Variants in ARPP21 observed in about 807,000 individuals in gnomAD.
ARPP21 encodes cAMP-regulated phosphoprotein 21.
A neutral mutation model predicts 113.2 loss-of-function variants in ARPP21; 69 were observed. The ratio of observed to expected loss-of-function variants is 0.61; its 90% CI spans 0.50 to 0.74. The LOEUF (loss-of-function observed/expected upper bound fraction) is 0.74, where lower values mean the gene tolerates loss of function less well. ARPP21 is among the 30% of genes least tolerant of loss of function. ARPP21 has a pLI of 0.00. For synonymous variants in ARPP21, 368 were observed against 375.5 expected, an observed-to-expected ratio of 0.98 and a Z score of 0.23; for missense variants, 1,070 against 1,037.4, an observed-to-expected ratio of 1.03 and a Z score of -0.43.
intron 19 of ARPP21, among the ~76,000 whole-genome samples, chr3:35,784,491 T>C (rs1464612269): frequency 6.6e-6 from 1 of 152,224 alleles, no homozygotes; most frequent in Non-Finnish European, 1.5e-5. Context: ...AGTTAATTCA[T>C]GCTATGTCCA....
intron 19 of ARPP21, among the ~76,000 whole-genome samples, chr3:35,750,709 CAAGGCA>C (rs2095371250): frequency 6.6e-6 from 1 of 152,146 alleles, no homozygotes; most frequent in East Asian, 1.9e-4. Flanking sequence ...GAATGAATTT[CAAGGCA>C]AAAGTTGCCT....
chr3:35,697,344 A>T (rs2084452656), intron 9 of ARPP21, among the ~76,000 whole-genome samples: 1 of 151,542 alleles, frequency 6.6e-6, no homozygotes, highest in South Asian at 2.1e-4. Context: ...GCTATACCTT[A>T]AGTGCCCAAG....
At chr3:35,684,091 CAGT>C in intron 5 of ARPP21, 1 of 1,558,600 alleles carries the variant, frequency 6.4e-7, no homozygotes, top group South Asian at 1.2e-5. Flanking sequence ...AAAGTAGGCA[CAGT>C]AGTGCTGAAT....
At position 35,723,912 on chromosome 3, in the gene ARPP21, A is replaced by G. The variant is rs2093330279; in HGVS notation, c.1225+2078A>G. ...AGGTAGGATGTCAAAACAAACTTAC[A>G]GTTTCCCAAGATGGATTTATGAAGC... On this transcript the variant is annotated intron_variant, in intron 14 of 20. Transcript: ENST00000684406. Among the ~76,000 whole-genome samples the G allele has an allele frequency of 5.3e-5, 8 of 152,350 alleles. No individual in the cohort carries two copies. The South Asian group carries it at 1.7e-3, about 32-fold the overall frequency.
chr3:35,678,640 G>GC (rs2078109561), intron 1 of ARPP21, among the ~76,000 whole-genome samples: 1 of 151,898 alleles, frequency 6.6e-6, no homozygotes, highest in Non-Finnish European at 1.5e-5. Flanking sequence ...CTGTACTACT[G>GC]ATTGCATTTT....
At chr3:35,663,500 A>AC (rs1323865624) in intron 1 of ARPP21, among the ~76,000 whole-genome samples, 3 of 152,140 alleles carry the variant, frequency 2.0e-5, no homozygotes, top group African/African-American at 7.2e-5. Flanking sequence ...TGTGTAACAA[A>AC]CCCCCATGTA....
chr3:35,679,514 A>G lies in ARPP21; in HGVS notation c.-212-273A>G, dbSNP rs565535220. The G allele has an allele frequency of 2.0e-5, 3 of 151,714 alleles. No homozygotes were observed. The South Asian group carries it at 6.2e-4, about 31-fold the overall frequency. 9.4% of individuals were successfully genotyped at this position (151,714 alleles called of 1,614,324 possible). On this transcript the variant is annotated intron_variant, in intron 1 of 20. Coordinates refer to ENST00000684406, the MANE Select transcript of ARPP21 (RefSeq NM_001385562.1). ...TTAATACAAAGTGCGAGATTTCACTAAAAAAGGTTAAAATTGAAGTGAGTA... is the reference window on the plus strand; with the variant it reads ...TTAATACAAAGTGCGAGATTTCACTGAAAAAGGTTAAAATTGAAGTGAGTA...
chr3:35,698,365 C>T (rs774534541), intron 9 of ARPP21, among the ~76,000 whole-genome samples: 8 of 151,434 alleles, frequency 5.3e-5, no homozygotes, highest in Admixed American at 6.6e-5. Flanking sequence ...ATTTATGAGC[C>T]TTTGAGTGTG....
intron 14 of ARPP21, among the ~76,000 whole-genome samples, chr3:35,726,585 T>C (rs2093556391): frequency 6.6e-6 from 1 of 151,918 alleles, no homozygotes; most frequent in Non-Finnish European, 1.5e-5. Context: ...TTGATGCTGC[T>C]TTTTTTTTCC....
intron 19 of ARPP21, among the ~76,000 whole-genome samples, chr3:35,747,679 G>C (rs1029459618): frequency 6.6e-6 from 1 of 152,072 alleles, no homozygotes; most frequent in African/African-American, 2.4e-5. Flanking sequence ...GCAACTTGGA[G>C]GAGTACAAAA....
intron 5 of ARPP21, chr3:35,684,131 G>C: frequency 6.8e-7 from 1 of 1,475,058 alleles, no homozygotes; most frequent in Non-Finnish European, 9.0e-7. Flanking sequence ...CTTTTGATAA[G>C]GCTGAACCAA....
In ARPP21 at chr3:35,793,872, C is replaced by A. The variant is rs985773431; in HGVS notation, c.2458C>A (p.Pro820Thr). 6.2e-7 allele frequency: 1 copy of A among 1,614,148 alleles called. No individual in the cohort carries two copies. Among genetic ancestry groups the A allele is most frequent in the Non-Finnish European group, 8.5e-7 (1 of 1,179,992 alleles). Residue 820 changes from proline to threonine, a missense_variant, in exon 21 of 21, where the codon CCC becomes ACC. Transcript: ENST00000684406. The stretch of plus-strand genomic sequence containing the variant: ...CCTTAGGCTGATTGGCCCACACTGC[C>A]CCTCCAGCACTGTCCCAGTGATGTC... The part of the protein sequence containing the change: ...NNLRLIGPHC[P>T]SSTVPVMSAS...
intron 1 of ARPP21, among the ~76,000 whole-genome samples, chr3:35,641,915 T>C (rs1484508276): frequency 6.6e-6 from 1 of 152,218 alleles, no homozygotes; most frequent in East Asian, 1.9e-4. Flanking sequence ...ATGTTTAAGA[T>C]ACGTGGATTG....
At chr3:35,671,930 C>T (rs1227981394) in intron 1 of ARPP21, among the ~76,000 whole-genome samples, 1 of 152,032 alleles carries the variant, frequency 6.6e-6, no homozygotes, top group East Asian at 1.9e-4. Context: ...TGAAGAAACT[C>T]AACCACATGT....
chr3:35,742,017 A>T (rs1440369834), intron 18 of ARPP21, among the ~76,000 whole-genome samples: 1 of 152,224 alleles, frequency 6.6e-6, no homozygotes, highest in African/African-American at 2.4e-5. Flanking sequence ...AAAAAAAACA[A>T]AACAAACAAC....
At chr3:35,789,107 C>T (rs773982343) in intron 19 of ARPP21, among the ~76,000 whole-genome samples, 2 of 152,202 alleles carry the variant, frequency 1.3e-5, no homozygotes, top group Non-Finnish European at 2.9e-5. Context: ...TTGCAAGATG[C>T]ATTATATCTT....
chr3:35,717,269 A>G (rs759788148), intron 12 of ARPP21, 29 bp from the exon 13 acceptor site: 2 of 1,394,602 alleles, frequency 1.4e-6, no homozygotes, highest in African/African-American at 1.4e-5. Context: ...TAGGTTTTAT[A>G]TCATAAAAAT....
intron 9 of ARPP21, among the ~76,000 whole-genome samples, chr3:35,695,987 T>G (rs1375895507): frequency 6.6e-6 from 1 of 151,574 alleles, no homozygotes; most frequent in Non-Finnish European, 1.5e-5. Context: ...TCCAGGAGAC[T>G]TTAAAATAAT....
intron 19 of ARPP21, among the ~76,000 whole-genome samples, chr3:35,748,088 A>AAGAAAG (rs1444964127): frequency 3.8e-5 from 5 of 130,396 alleles, no homozygotes; most frequent in Non-Finnish European, 6.6e-5. Context: ...GAAAGAAAGA[A>AAGAAAG]AGAAAGAAAG....
Sources: allele counts gnomAD v4.1 joint callset (sites outside exome capture counted in the v4.1 genomes callset), GRCh38; gene constraint gnomAD v4.1.1; transcripts MANE v1.5; gene names NCBI Gene and HGNC (gene_info 2026-07-23, HGNC 2026-07-21).